UMAD1: variants seen among roughly 807,000 people sequenced by gnomAD.
UMAD1 encodes the protein UBAP1-MVB12-associated (UMA) domain containing 1, also known as UBAP1-MVB12-associated (UMA)-domain containing protein 1.
UMAD1 carries 8 observed loss-of-function variants against 6.1 expected under a neutral mutation model. That is an observed-to-expected ratio of 1.30 (90% confidence interval 0.76 to 2.35). The LOEUF (loss-of-function observed/expected upper bound fraction) is 2.35. UMAD1 is among the 30% of genes most tolerant of loss of function. The pLI is 0.00. For missense variants in UMAD1, 130 were observed against 78.4 expected, an observed-to-expected ratio of 1.66 and a Z score of -2.49; for synonymous variants, 56 against 31.4, an observed-to-expected ratio of 1.78 and a Z score of -2.61.
chr7:7,689,992 G>T (rs375856574), intron 2 of UMAD1, among the ~76,000 whole-genome samples: 77 of 152,134 alleles, frequency 5.1e-4, no homozygotes, highest in African/African-American at 1.7e-3. Context: ...TTAAGAAATT[G>T]GTTGAGGGTT....
At chr7:7,862,540 A>G (rs6463730) in intron 3 of UMAD1, among the ~76,000 whole-genome samples, 67,162 of 152,058 alleles carry the variant, frequency 0.44, 16,063 homozygotes, top group African/African-American at 0.6. Context: ...AAGGGATATC[A>G]AGTTCTTCAG....
intron 1 of UMAD1, among the ~76,000 whole-genome samples, chr7:7,665,988 A>G (rs1354435414): frequency 6.6e-6 from 1 of 152,126 alleles, no homozygotes; most frequent in African/African-American, 2.4e-5. Flanking sequence ...AAGTTGTTAC[A>G]ACATTTGTAT....
intron 3 of UMAD1, among the ~76,000 whole-genome samples, chr7:7,872,879 A>T (rs1040047154): frequency 2.6e-5 from 4 of 152,218 alleles, no homozygotes; most frequent in Non-Finnish European, 5.9e-5. Context: ...GATCTAGGGA[A>T]CATTTACACA....
chr7:7,730,616 C>G (rs1429600531), intron 2 of UMAD1, among the ~76,000 whole-genome samples: 1 of 152,182 alleles, frequency 6.6e-6, no homozygotes, highest in East Asian at 1.9e-4. Context: ...GTCTCACCCT[C>G]TCTGCTCCTG....
chr7:7,661,405 T>G (rs995001941), intron 1 of UMAD1, among the ~76,000 whole-genome samples: 1 of 152,194 alleles, frequency 6.6e-6, no homozygotes, highest in Non-Finnish European at 1.5e-5. Flanking sequence ...TTTTTGGAAT[T>G]TTCCGCCTTT....
chr7:7,819,621 T>A (rs1391136110), intron 3 of UMAD1, among the ~76,000 whole-genome samples: 1 of 152,208 alleles, frequency 6.6e-6, no homozygotes, highest in Admixed American at 6.5e-5. Flanking sequence ...AAAACCGGTG[T>A]TTCGTGCTTT....
chr7:7,867,777 T>C (rs1784259714), intron 3 of UMAD1, among the ~76,000 whole-genome samples: 2 of 152,054 alleles, frequency 1.3e-5, no homozygotes, highest in Admixed American at 1.3e-4. Context: ...CAATAGGCAA[T>C]ATAGAGTTGA....
chr7:7,730,620 G>A (rs1170447562), intron 2 of UMAD1, among the ~76,000 whole-genome samples: 1 of 152,046 alleles, frequency 6.6e-6, no homozygotes, highest in African/African-American at 2.4e-5. Context: ...CACCCTCTCT[G>A]CTCCTGATCT....
At chr7:7,852,068 C>G (rs1783926356) in intron 3 of UMAD1, among the ~76,000 whole-genome samples, 1 of 152,010 alleles carries the variant, frequency 6.6e-6, no homozygotes, top group South Asian at 2.1e-4. Context: ...AGATAAGGGT[C>G]CAGTTTCATT....
At chr7:7,812,798 C>G (rs1413857181) in intron 3 of UMAD1, among the ~76,000 whole-genome samples, 1 of 79,742 alleles carries the variant, frequency 1.3e-5, no homozygotes, top group Non-Finnish European at 2.5e-5. Flanking sequence ...TTCACACAGC[C>G]ATCTTTTTTT....
intron 2 of UMAD1, among the ~76,000 whole-genome samples, chr7:7,787,340 A>G (rs537243548): frequency 3.3e-5 from 5 of 152,338 alleles, no homozygotes; most frequent in Admixed American, 6.5e-5. Flanking sequence ...ACAAACTGAA[A>G]TGACTCCAGA....
chr7:7,794,534 C>G (rs539008327), intron 2 of UMAD1, among the ~76,000 whole-genome samples: 1 of 152,252 alleles, frequency 6.6e-6, no homozygotes, highest in South Asian at 2.1e-4. Context: ...CAGGAGAGAT[C>G]TTGGTATACC....
chr7:7,750,020 T>G (rs1486168367), intron 2 of UMAD1, among the ~76,000 whole-genome samples: 1 of 152,158 alleles, frequency 6.6e-6, no homozygotes, highest in Non-Finnish European at 1.5e-5. Context: ...AAGATAAATA[T>G]TCTTAATTAT....
chr7:7,768,426 G>T (rs551022164), intron 2 of UMAD1, among the ~76,000 whole-genome samples: 3 of 152,062 alleles, frequency 2.0e-5, no homozygotes, highest in African/African-American at 7.2e-5. Context: ...CTGCCGTTCT[G>T]AACTCCACAC....
intron 1 of UMAD1, among the ~76,000 whole-genome samples, chr7:7,649,262 C>G (rs952473023): frequency 1.3e-5 from 2 of 151,878 alleles, no homozygotes; most frequent in Non-Finnish European, 2.9e-5. Flanking sequence ...GGACCCACAT[C>G]TGGCAGGGGC....
intron 2 of UMAD1, among the ~76,000 whole-genome samples, chr7:7,748,659 C>T (rs1032926074): frequency 3.9e-5 from 6 of 152,030 alleles, no homozygotes; most frequent in Admixed American, 6.6e-5. Flanking sequence ...TACCAAATTC[C>T]CATCTATTAC....
intron 3 of UMAD1, among the ~76,000 whole-genome samples, chr7:7,820,410 T>C (rs1435904765): frequency 6.6e-6 from 1 of 152,214 alleles, no homozygotes; most frequent in African/African-American, 2.4e-5. Context: ...TGCCTGGCAG[T>C]ATCAGTCAGT....
At chr7:7,875,444 C>T (rs1445885159) in intron 3 of UMAD1, among the ~76,000 whole-genome samples, 3 of 151,988 alleles carry the variant, frequency 2.0e-5, no homozygotes, top group African/African-American at 7.2e-5. Flanking sequence ...GACCATTAAC[C>T]AGACTAGTAA....
chr7:7,791,860 A>T (rs1782573495), intron 2 of UMAD1, among the ~76,000 whole-genome samples: 1 of 152,252 alleles, frequency 6.6e-6, no homozygotes, highest in South Asian at 2.1e-4. Context: ...AATCACATTT[A>T]AAATCTAACA....
Sources: allele counts gnomAD v4.1 joint callset (sites outside exome capture counted in the v4.1 genomes callset), GRCh38; gene constraint gnomAD v4.1.1; transcripts MANE v1.5; gene names NCBI Gene and HGNC (gene_info 2026-07-23, HGNC 2026-07-21).